COLGALT1: variants seen among roughly 807,000 people sequenced by gnomAD.
COLGALT1 encodes collagen beta(1-O)galactosyltransferase 1.
Under a neutral mutation model 60.8 loss-of-function variants are expected in COLGALT1, and 43 were observed. That is an observed-to-expected ratio of 0.71 (90% CI 0.55 to 0.91). The LOEUF (loss-of-function observed/expected upper bound fraction) is 0.91. Among genes scored for constraint, COLGALT1 ranks in the 40% least tolerant of loss-of-function variants. The pLI is 0.00. For synonymous variants in COLGALT1, 369 were observed against 374.2 expected (o/e 0.99, Z 0.16); for missense variants, 845 against 880.0 (o/e 0.96, Z 0.50).
chr19:17,559,371 C>T lies in COLGALT1; in HGVS notation c.321C>T (p.Ala107=), dbSNP rs760706888. The T allele has an allele frequency of 1.1e-5, 17 of 1,551,986 alleles. No individual in the cohort carries two copies. In the African/African-American group the frequency reaches 1.6e-4, roughly 15 times the overall value. Residue 107 remains alanine (A), a synonymous_variant, in exon 2 of 12, where the codon GCC becomes GCT. Coordinates refer to ENST00000252599, the MANE Select transcript of COLGALT1 (RefSeq NM_024656.4). ...TSTVLREWLV[A]VKSLYHSVEW... ...CTGTGCTGCGGGAGTGGCTGGTGGC[C>T]GTGAAGAGTTTGTACCATTCCGTGG...
At chr19:17,577,028 T>G (rs1363905012) in intron 6 of COLGALT1, 167 bp from the exon 7 acceptor site, 1 of 455,162 alleles carries the variant, frequency 2.2e-6, no homozygotes, top group Non-Finnish European at 3.9e-6. Context: ...AGGGTTCAAA[T>G]GACATGGGAG....
At chr19:17,556,335 C>G (rs553539547) in intron 1 of COLGALT1, among the ~76,000 whole-genome samples, 5 of 152,348 alleles carry the variant, frequency 3.3e-5, no homozygotes, top group African/African-American at 1.2e-4. Context: ...CTCTAACTCC[C>G]TCTGGGGCAC....
Position 17,583,076 on chromosome 19 carries a change from A to G in COLGALT1, c.*1632A>G, listed in dbSNP as rs1194310413. 6.6e-6 allele frequency: 1 copy of G among 152,168 alleles called. No homozygotes were observed. Among genetic ancestry groups the G allele is most frequent in the African/African-American group, 2.4e-5 (1 of 41,436 alleles). The allele number at this position is 152,168 out of a possible 1,614,324, so 9.4% of individuals were successfully genotyped here. On this transcript the variant is annotated 3_prime_UTR_variant, in exon 12 of 12. Transcript: ENST00000252599. ...TTGCCGTGCCTTCAGCCTGAATCGA[A>G]TGTCAGAACCAGCCAGCGGTGCTTC...
Position 17,555,692 on chromosome 19 carries a change from C to G in COLGALT1, c.-22C>G, listed in dbSNP as rs2076205527. On this transcript the variant is annotated 5_prime_UTR_variant, in exon 1 of 12. Coordinates refer to ENST00000252599, the MANE Select transcript of COLGALT1 (RefSeq NM_024656.4). Reference sequence around the variant, plus strand: ...CCAGAGTCCTCCCGCAGAAAAACGACTTAAAGGAGACGCGTGGCGCGATGG... The same window carrying G: ...CCAGAGTCCTCCCGCAGAAAAACGAGTTAAAGGAGACGCGTGGCGCGATGG... 8.5e-7 allele frequency: 1 copy of G among 1,182,984 alleles called. No homozygotes were observed. Among genetic ancestry groups the G allele is most frequent in the South Asian group, 4.3e-5 (1 of 23,296 alleles). The allele number at this position is 1,182,984 out of a possible 1,614,324, so 73.3% of individuals were successfully genotyped here. A position where few individuals can be genotyped will look rare whatever the true frequency, so the allele number is the denominator to read the frequency against.
intron 10 of COLGALT1, chr19:17,580,339 T>C (rs2076372599): frequency 5.6e-6 from 2 of 358,412 alleles, no homozygotes; most frequent in African/African-American, 2.1e-5. Flanking sequence ...CCCATGTGAA[T>C]AGTAACTGCA....
chr19:17,581,518 A>G lies in COLGALT1; in HGVS notation c.*74A>G. 2 of 1,510,894 alleles carry G rather than the reference A, an allele frequency of 1.3e-6. No individual in the cohort carries two copies. Among genetic ancestry groups the G allele is most frequent in the South Asian group, 2.6e-5 (2 of 77,916 alleles). 93.6% of individuals were successfully genotyped at this position (1,510,894 alleles called of 1,614,324 possible). On this transcript the variant is annotated 3_prime_UTR_variant, in exon 12 of 12. Coordinates refer to ENST00000252599, the MANE Select transcript of COLGALT1 (RefSeq NM_024656.4). ...CGTGCTTACTGAGGACATCAGGTCCACCTCTGGACCCCTTGGCAGGCCACA... is the reference window on the plus strand; with the variant it reads ...CGTGCTTACTGAGGACATCAGGTCCGCCTCTGGACCCCTTGGCAGGCCACA...
At position 17,581,202 on chromosome 19, in the gene COLGALT1, C is replaced by T; in HGVS notation, c.1627C>T (p.Leu543Phe). ...GTCCGAGTACAAGGCCCACTTCTCC[C>T]TCCGCAACCTGCATGCCTTCTCTGT... Reference protein sequence around the residue: ...PVSEYKAHFSLRNLHAFSVEP... With the variant: ...PVSEYKAHFSFRNLHAFSVEP... The change falls in exon 12 of 12, where the codon CTC (leucine) becomes TTC (phenylalanine). Residue 543 changes from leucine (L) to phenylalanine (F), a missense_variant. Physicochemically the swap from Leu to Phe is conservative, Grantham distance 22. Coordinates refer to ENST00000252599, the MANE Select transcript of COLGALT1 (RefSeq NM_024656.4). 1 of 1,608,014 alleles carries T rather than the reference C, an allele frequency of 6.2e-7. No homozygotes were observed. The highest frequency in any genetic ancestry group is 8.5e-7 in the Non-Finnish European group (1 of 1,178,474).
At chr19:17,580,572 G>C (rs1409153484) in intron 10 of COLGALT1, 127 bp from the exon 11 acceptor site, 1 of 855,194 alleles carries the variant, frequency 1.2e-6, no homozygotes, top group Non-Finnish European at 1.8e-6. Context: ...TCCAGTCACA[G>C]AGCTCTGCAA....
At chr19:17,574,226 C>G (rs543408266) in intron 6 of COLGALT1, among the ~76,000 whole-genome samples, 7 of 152,154 alleles carry the variant, frequency 4.6e-5, no homozygotes, top group Non-Finnish European at 4.4e-5. Context: ...GCCTCTGTCC[C>G]GGGGCTCAGT....
rs1185942261 is a variant in COLGALT1, at chr19:17,568,714, G to T, written c.829+1G>T. 1.2e-5 allele frequency: 19 copies of T among 1,614,030 alleles called. No individual in the cohort carries two copies. The highest frequency in any genetic ancestry group is 4.0e-5 in the African/African-American group (3 of 75,048). ...TTTGCCTTCTCCTGCAAGCAGGCAG[G>T]TACGTACATGAGGGGTCTGCCATCG... On this transcript the variant is annotated splice_donor_variant, in intron 5 of 11. Transcript: ENST00000252599. LOFTEE classifies it high-confidence loss of function.
rs779285583 is a variant in COLGALT1, at chr19:17,560,489, A to T, written c.489+24A>T. 8.2e-6 allele frequency: 13 copies of T among 1,590,436 alleles called. No individual in the cohort carries two copies. In the Middle Eastern group the frequency reaches 5.0e-4, roughly 61 times the overall value. On this transcript the variant is annotated intron_variant, in intron 3 of 11. Coordinates refer to ENST00000252599, the MANE Select transcript of COLGALT1 (RefSeq NM_024656.4). The stretch of plus-strand genomic sequence containing the variant: ...TGGTAAGTTTCTCAGCCGGCCGGAT[A>T]TGGATCACAGGCAGGTCTGGGTATC...
Position 17,568,513 on chromosome 19 carries a change from A to G in COLGALT1, c.629A>G (p.Tyr210Cys), listed in dbSNP as rs372885942. ...NFWCGMTSQG[Y>C]YKRTPAYIPI... The stretch of plus-strand genomic sequence containing the variant: ...ACTCTCGCTCTCTCCCCACAGGGCT[A>G]CTACAAGCGCACACCTGCCTACATC... Residue 210 changes from tyrosine to cysteine, a missense_variant, in exon 5 of 12, where the codon TAC becomes TGC. Transcript: ENST00000252599. The G allele has an allele frequency of 3.7e-5, 59 of 1,613,808 alleles. No homozygotes were observed. The highest frequency in any genetic ancestry group is 4.7e-5 in the Non-Finnish European group (55 of 1,179,862).
At position 17,572,477 on chromosome 19, in the gene COLGALT1, C is replaced by T; in HGVS notation, c.830-6C>T. 1 of 1,614,110 alleles carries T rather than the reference C, an allele frequency of 6.2e-7. No individual in the cohort carries two copies. The highest frequency in any genetic ancestry group is 8.5e-7 in the Non-Finnish European group (1 of 1,179,998). On this transcript the variant is annotated splice_polypyrimidine_tract_variant and splice_region_variant and intron_variant, in intron 5 of 11. Transcript: ENST00000252599. ...CATTTGTCTGTTGCTTCCCTGCCCA[C>T]TGCAGAGGTTCAGATGTATGTGTGC...
At chr19:17,577,646 C>G (rs1375527145) in intron 8 of COLGALT1, among the ~76,000 whole-genome samples, 179 bp downstream of exon 8, 1 of 152,106 alleles carries the variant, frequency 6.6e-6, no homozygotes, top group Non-Finnish European at 1.5e-5. Context: ...GGCAGATCCT[C>G]ACAGTTGTAG....
intron 3 of COLGALT1, among the ~76,000 whole-genome samples, chr19:17,565,834 C>T (rs2076276757): frequency 6.6e-6 from 1 of 152,128 alleles, no homozygotes; most frequent in Non-Finnish European, 1.5e-5. Flanking sequence ...ATTCAAAGGT[C>T]ACAGATTCAA....
At chr19:17,570,510 G>A (rs2076306365) in intron 5 of COLGALT1, among the ~76,000 whole-genome samples, 1 of 151,954 alleles carries the variant, frequency 6.6e-6, no homozygotes, top group African/African-American at 2.4e-5. Context: ...GCCTCCCAAA[G>A]CGCTAGGAAT....
intron 6 of COLGALT1, among the ~76,000 whole-genome samples, chr19:17,573,201 C>T (rs2076322772): frequency 6.6e-6 from 1 of 151,978 alleles, no homozygotes; most frequent in Non-Finnish European, 1.5e-5. Context: ...CAAGATCAGC[C>T]TGGGCAACAT....
At chr19:17,560,520 G>A (rs903181464) in intron 3 of COLGALT1, 55 bp downstream of exon 3, 3 of 1,417,732 alleles carry the variant, frequency 2.1e-6, no homozygotes, top group Non-Finnish European at 3.0e-6. Flanking sequence ...GTATCCCCAG[G>A]GAAGGCGGAG....
At chr19:17,575,741 T>A (rs893114679) in intron 6 of COLGALT1, among the ~76,000 whole-genome samples, 1 of 152,042 alleles carries the variant, frequency 6.6e-6, no homozygotes, top group Non-Finnish European at 1.5e-5. Context: ...AGTGTCACCA[T>A]CATAGCTCGC....
Sources: allele counts gnomAD v4.1 joint callset (sites outside exome capture counted in the v4.1 genomes callset), GRCh38; gene constraint gnomAD v4.1.1; transcripts MANE v1.5; gene names NCBI Gene and HGNC (gene_info 2026-07-23, HGNC 2026-07-21).